The following DDAH1 variants were observed in gnomAD, a reference collection of about 807,000 sequenced individuals.
The protein encoded by DDAH1 is N(G),N(G)-dimethylarginine dimethylaminohydrolase 1.
Under a neutral mutation model 28.8 loss-of-function variants are expected in DDAH1, and 19 were observed. The observed-to-expected ratio is 0.66, with a 90% confidence interval of 0.46 to 0.97. DDAH1 has a LOEUF of 0.97. Among genes scored for constraint, DDAH1 ranks in the 50% least tolerant of loss-of-function variants. The pLI is 0.00. For synonymous variants in DDAH1, 153 were observed against 154.4 expected, an observed-to-expected ratio of 0.99 and a Z score of 0.07; for missense variants, 326 against 375.9, an observed-to-expected ratio of 0.87 and a Z score of 1.10.
At chr1:85,354,705 A>C (rs756966923) in intron 2 of DDAH1, among the ~76,000 whole-genome samples, 46 of 152,252 alleles carry the variant, frequency 3.0e-4, no homozygotes, top group Non-Finnish European at 4.4e-4. Flanking sequence ...TCAAAGATTA[A>C]ATCACAGTGG....
At chr1:85,377,603 A>G (rs1034564619) in intron 1 of DDAH1, among the ~76,000 whole-genome samples, 2 of 152,192 alleles carry the variant, frequency 1.3e-5, no homozygotes, top group African/African-American at 4.8e-5. Flanking sequence ...TTCAATTGGT[A>G]TTGATGAGGA....
intron 1 of DDAH1, among the ~76,000 whole-genome samples, chr1:85,383,947 T>C (rs1459142419): frequency 6.6e-6 from 1 of 152,112 alleles, no homozygotes; most frequent in Non-Finnish European, 1.5e-5. Flanking sequence ...GCAAAAAAAA[T>C]TGTGACTCCC....
chr1:85,364,927 TA>T (rs201989662), intron 1 of DDAH1, among the ~76,000 whole-genome samples: 3,555 of 152,300 alleles, frequency 0.023, 69 homozygotes, highest in Non-Finnish European at 0.035. Flanking sequence ...GATCCGGTCT[TA>T]AAAATTTCTA....
intron 2 of DDAH1, among the ~76,000 whole-genome samples, chr1:85,491,046 C>CTTTTTTTT (rs5775843): frequency 8.0e-6 from 1 of 125,620 alleles, no homozygotes. Flanking sequence ...AACATGTATT[C>CTTTTTTTT]TTTTTTTTTT....
chr1:85,507,434 T>C (rs1657053824), intron 1 of DDAH1, among the ~76,000 whole-genome samples: 1 of 151,868 alleles, frequency 6.6e-6, no homozygotes, highest in South Asian at 2.1e-4. Context: ...GCCCAGGAGG[T>C]TGAGGCTGGA....
intron 1 of DDAH1, chr1:85,404,284 A>AC (rs1652296976): frequency 1.2e-5 from 14 of 1,215,770 alleles, no homozygotes; most frequent in Middle Eastern, 1.9e-4. Flanking sequence ...GTTCATATTG[A>AC]CCCATTATAC....
At chr1:85,354,337 C>G (rs916873691) in intron 2 of DDAH1, among the ~76,000 whole-genome samples, 23 of 151,882 alleles carry the variant, frequency 1.5e-4, no homozygotes, top group African/African-American at 5.1e-4. Context: ...TAATTAGATG[C>G]TCATTCATAT....
At chr1:85,516,285 T>C (rs1178155079) in intron 1 of DDAH1, among the ~76,000 whole-genome samples, 2 of 150,662 alleles carry the variant, frequency 1.3e-5, no homozygotes, top group East Asian at 3.9e-4. Flanking sequence ...GGAAGTCTTC[T>C]CTATGGCTGG....
At position 85,464,274 on chromosome 1, in the gene DDAH1, C is replaced by T. The variant is rs202131092; in HGVS notation, c.303+469G>A. On this transcript the variant is annotated intron_variant, in intron 1 of 5. Transcript: ENST00000284031. This position sits in a 1 kb window ranked among gnomAD's most constrained non-coding sequence, Gnocchi z 4.4. The stretch of plus-strand genomic sequence containing the variant: ...TGTGGGCACCGACACCCCGTTAATT[C>T]ATCCAGCTTGTCCTGCTCCGAGCGC... Among the ~76,000 whole-genome samples, 4 of 152,296 alleles carry T rather than the reference C, an allele frequency of 2.6e-5. No homozygotes were observed. In the East Asian group the frequency reaches 7.8e-4, roughly 30 times the overall value.
chr1:85,565,522 T>C (rs1188507972), intron 1 of DDAH1, among the ~76,000 whole-genome samples: 1 of 152,132 alleles, frequency 6.6e-6, no homozygotes, highest in Non-Finnish European at 1.5e-5. Flanking sequence ...AGATTGACTC[T>C]ATGAACTATT....
intron 5 of DDAH1, among the ~76,000 whole-genome samples, chr1:85,322,631 C>G (rs954066271): frequency 3.3e-5 from 5 of 152,152 alleles, no homozygotes; most frequent in Admixed American, 1.3e-4. Context: ...AAGTGACATT[C>G]CCTCTGAGCC....
At chr1:85,341,413 A>G (rs1033081512) in intron 4 of DDAH1, among the ~76,000 whole-genome samples, 3 of 152,250 alleles carry the variant, frequency 2.0e-5, no homozygotes, top group Non-Finnish European at 2.9e-5. Context: ...ATCCAACTGA[A>G]TAGTTATATA....
intron 1 of DDAH1, among the ~76,000 whole-genome samples, chr1:85,505,479 T>C (rs916235617): frequency 6.6e-6 from 1 of 152,060 alleles, no homozygotes; most frequent in African/African-American, 2.4e-5. Flanking sequence ...AAGAAAGGCA[T>C]GAAAAAGACA....
At chr1:85,391,477 A>C (rs555782897) in intron 1 of DDAH1, among the ~76,000 whole-genome samples, 1 of 152,258 alleles carries the variant, frequency 6.6e-6, no homozygotes, top group African/African-American at 2.4e-5. Context: ...TAAATAAATA[A>C]ATAAATATAG....
chr1:85,444,777 A>C (rs1244682852), intron 1 of DDAH1, among the ~76,000 whole-genome samples: 1 of 152,232 alleles, frequency 6.6e-6, no homozygotes, highest in Admixed American at 6.5e-5. Flanking sequence ...AACCATGCAA[A>C]TAAGTAAGGA....
chr1:85,457,788 C>T (rs568366673), intron 1 of DDAH1, among the ~76,000 whole-genome samples: 2 of 152,346 alleles, frequency 1.3e-5, no homozygotes, highest in South Asian at 4.1e-4. Flanking sequence ...CTTCTCGTTT[C>T]GAGTGAGTGT....
rs184928740 is a variant in DDAH1 at position 85,325,782 on chromosome 1, C to G, written c.598-899G>C. Among the ~76,000 whole-genome samples the G allele has an allele frequency of 6.1e-3, 933 of 152,256 alleles. 13 individuals carry two copies. The highest frequency in any genetic ancestry group is 0.021 in the African/African-American group (855 of 41,546). Reference sequence around the variant, plus strand: ...TCAAAACTATCAAAAAACAACACTCCTCCCCCTAACAACAAGAATATCCAA... The same window carrying G: ...TCAAAACTATCAAAAAACAACACTCGTCCCCCTAACAACAAGAATATCCAA... On this transcript the variant is annotated intron_variant, in intron 4 of 5. Transcript: ENST00000284031.
chr1:85,452,166 A>G (rs949593142), intron 1 of DDAH1, among the ~76,000 whole-genome samples: 2 of 152,210 alleles, frequency 1.3e-5, no homozygotes, highest in African/African-American at 4.8e-5. Flanking sequence ...GAGATCAAAC[A>G]GCCCATTTGC....
chr1:85,400,182 T>TTTTTTTTC (rs1652007316), intron 1 of DDAH1, among the ~76,000 whole-genome samples: 1 of 25,866 alleles, frequency 3.9e-5, no homozygotes, highest in Non-Finnish European at 9.0e-5. Flanking sequence ...CTTTTCTTTT[T>TTTTTTTTC]TTTTTTTTTT....
Sources: gnomAD v4.1 joint callset for allele counts (sites outside exome capture counted in the v4.1 genomes callset) on GRCh38, gnomAD v4.1.1 for gene constraint, Gnocchi (gnomAD v3.1) non-coding constraint, MANE v1.5 for transcripts, NCBI Gene and HGNC (gene_info 2026-07-23, HGNC 2026-07-21) for gene names.